The following GTF2IRD1 variants were observed in gnomAD, a reference collection of about 807,000 sequenced individuals.
GTF2IRD1 encodes GTF2I repeat domain containing 1, also known as general transcription factor II-I repeat domain-containing protein 1.
A neutral mutation model predicts 113.2 loss-of-function variants in GTF2IRD1; 26 were observed. That is an observed-to-expected ratio of 0.23 (90% CI 0.17 to 0.32). GTF2IRD1 has a LOEUF of 0.32. Ranked by LOEUF, GTF2IRD1 falls within the 10% of genes least tolerant of loss-of-function variation. GTF2IRD1 has a pLI of 1.00. For synonymous variants in GTF2IRD1, 484 were observed against 529.1 expected, an observed-to-expected ratio of 0.91 and a Z score of 1.17; for missense variants, 864 against 1,280.8, an observed-to-expected ratio of 0.67 and a Z score of 4.97.
At chr7:74,588,799 T>A (rs1801881979) in intron 22 of GTF2IRD1, among the ~76,000 whole-genome samples, 1 of 152,212 alleles carries the variant, frequency 6.6e-6, no homozygotes. Flanking sequence ...CCCAAAGTGC[T>A]GGGATTATAG....
At chr7:74,584,804 T>G (rs1271329779) in intron 22 of GTF2IRD1, among the ~76,000 whole-genome samples, 1 of 152,074 alleles carries the variant, frequency 6.6e-6, no homozygotes, top group Non-Finnish European at 1.5e-5. Flanking sequence ...GTTTTTTGTG[T>G]GTTGTTGTTG....
At chr7:74,558,193 C>A (rs1188641563) in intron 20 of GTF2IRD1, among the ~76,000 whole-genome samples, 1 of 150,434 alleles carries the variant, frequency 6.6e-6, no homozygotes, top group African/African-American at 2.4e-5. Context: ...GCAGGAGAAT[C>A]GCTTGAGCCT....
chr7:74,574,455 ATTT>A (rs369245593), intron 22 of GTF2IRD1, among the ~76,000 whole-genome samples: 10 of 128,198 alleles, frequency 7.8e-5, no homozygotes, highest in Non-Finnish European at 5.0e-5. Context: ...AGATACTGGA[ATTT>A]TTTTTTTTTT....
intron 25 of GTF2IRD1, 152 bp from the exon 26 acceptor site, chr7:74,600,892 C>A: frequency 4.1e-6 from 3 of 735,936 alleles, no homozygotes; most frequent in East Asian, 2.6e-5. Context: ...GGGCTCTGGA[C>A]AGGTGGGCCC....
intron 8 of GTF2IRD1, among the ~76,000 whole-genome samples, chr7:74,529,338 C>T (rs868943338): frequency 2.0e-5 from 3 of 152,092 alleles, no homozygotes; most frequent in East Asian, 1.9e-4. Context: ...ACTGCAGCTT[C>T]GAACTCCTAG....
intron 22 of GTF2IRD1, among the ~76,000 whole-genome samples, chr7:74,574,800 A>C (rs1252533830): frequency 2.6e-5 from 4 of 151,910 alleles, no homozygotes; most frequent in African/African-American, 7.3e-5. Flanking sequence ...AAAAAAAAAA[A>C]AAACCCGGCT....
In GTF2IRD1 at chr7:74,483,417, T is replaced by C. The variant is rs556977404; in HGVS notation, c.-6-24658T>C. On this transcript the variant is annotated intron_variant, in intron 1 of 26. Transcript: ENST00000424337. ...TTTTAATTAGCTGGGCATGGTGGCA[T>C]GTGTCTGCAGTTCCAGCTACTTGCG... 3.3e-5 allele frequency among the ~76,000 whole-genome samples: 5 copies of C among 152,128 alleles called. No homozygotes were observed. The East Asian group carries it at 5.8e-4, about 18-fold the overall frequency.
chr7:74,530,092 C>A (rs1450292934), intron 9 of GTF2IRD1, among the ~76,000 whole-genome samples, 175 bp downstream of exon 9: 1 of 152,102 alleles, frequency 6.6e-6, no homozygotes, highest in African/African-American at 2.4e-5. Context: ...TGCCTGTAAT[C>A]CCAGCTACTT....
chr7:74,494,565 C>T (rs1795549388), intron 1 of GTF2IRD1, among the ~76,000 whole-genome samples: 1 of 152,194 alleles, frequency 6.6e-6, no homozygotes, highest in Non-Finnish European at 1.5e-5. Context: ...TTATTCAAAT[C>T]ACATTCAAGA....
intron 22 of GTF2IRD1, among the ~76,000 whole-genome samples, chr7:74,584,740 A>G (rs1801616906): frequency 6.6e-6 from 1 of 152,144 alleles, no homozygotes; most frequent in Non-Finnish European, 1.5e-5. Flanking sequence ...TCCCAAGCTT[A>G]ACATTTCCCT....
At chr7:74,455,412 C>T (rs542096356) in intron 1 of GTF2IRD1, among the ~76,000 whole-genome samples, 40 of 152,322 alleles carry the variant, frequency 2.6e-4, no homozygotes, top group African/African-American at 8.9e-4. Flanking sequence ...CTGGCTGCCC[C>T]GTGGCCAGGA....
At chr7:74,517,841 T>C (rs990798469) in intron 4 of GTF2IRD1, among the ~76,000 whole-genome samples, 3 of 152,152 alleles carry the variant, frequency 2.0e-5, no homozygotes, top group Admixed American at 6.5e-5. Flanking sequence ...GAGTCCCCGA[T>C]TTCCCCTCCA....
chr7:74,531,689 C>T (rs1307576758), intron 9 of GTF2IRD1, among the ~76,000 whole-genome samples: 1 of 151,878 alleles, frequency 6.6e-6, no homozygotes, highest in Non-Finnish European at 1.5e-5. Flanking sequence ...TCAAGACCAG[C>T]CTGGCCAACG....
intron 24 of GTF2IRD1, among the ~76,000 whole-genome samples, chr7:74,594,013 C>T (rs1196316138): frequency 6.6e-6 from 1 of 151,856 alleles, no homozygotes; most frequent in East Asian, 1.9e-4. Context: ...GCCTGGCCAA[C>T]ATAGTGAAAT....
chr7:74,559,821 C>G (rs1554358542), intron 22 of GTF2IRD1, among the ~76,000 whole-genome samples, 166 bp downstream of exon 22: 2 of 152,016 alleles, frequency 1.3e-5, no homozygotes, highest in Non-Finnish European at 2.9e-5. Flanking sequence ...TCTCTGTCAC[C>G]CAGGCTGGAG....
Position 74,501,585 on chromosome 7 carries a change from G to A in GTF2IRD1, c.-6-6490G>A, listed in dbSNP as rs566229739. On this transcript the variant is annotated intron_variant, in intron 1 of 26. Transcript: ENST00000424337. ...ACTTTTTTGGCTCCAGTCCTCTTTG[G>A]CTGTCCCCTCTGTGAAGGGCATCTA... is the stretch of plus-strand genomic sequence containing the variant. Among the ~76,000 whole-genome samples, 4 of 152,276 alleles carry A rather than the reference G, an allele frequency of 2.6e-5. No homozygotes were observed. The East Asian group carries it at 7.7e-4, about 29-fold the overall frequency.
At chr7:74,545,257 G>A (rs1175350140) in intron 15 of GTF2IRD1, among the ~76,000 whole-genome samples, 1 of 152,094 alleles carries the variant, frequency 6.6e-6, no homozygotes, top group Admixed American at 6.6e-5. Flanking sequence ...GCCAGGGTGA[G>A]GGTGGGTCTG....
intron 22 of GTF2IRD1, among the ~76,000 whole-genome samples, chr7:74,581,406 AC>A (rs1161314901): frequency 2.0e-5 from 3 of 152,094 alleles, no homozygotes; most frequent in African/African-American, 7.2e-5. Context: ...TGGGATTTGA[AC>A]CCAGGCAATC....
chr7:74,558,808 A>G, intron 20 of GTF2IRD1, 53 bp from the exon 21 acceptor site: 1 of 1,452,092 alleles, frequency 6.9e-7, no homozygotes, highest in South Asian at 1.3e-5. Flanking sequence ...ATGTACACAC[A>G]CCCCACGCTG....
Sources: gnomAD v4.1 joint callset for allele counts (sites outside exome capture counted in the v4.1 genomes callset) on GRCh38, gnomAD v4.1.1 for gene constraint, MANE v1.5 for transcripts, NCBI Gene and HGNC (gene_info 2026-07-23, HGNC 2026-07-21) for gene names.